Variants in CALR observed in about 807,000 individuals in gnomAD.
The protein encoded by CALR is calreticulin.
In CALR, 15 loss-of-function variants were observed where a neutral mutation model predicts 51.1. The ratio of observed to expected loss-of-function variants is 0.29; its 90% CI spans 0.20 to 0.45. CALR has a LOEUF of 0.45. Among genes scored for constraint, CALR ranks in the 20% least tolerant of loss-of-function variants. The probability of loss-of-function intolerance (pLI) is 1.00; values close to 1 mark genes in which losing one functional copy is unlikely to be tolerated. For missense variants in CALR, 477 were observed against 530.6 expected, an observed-to-expected ratio of 0.90 and a Z score of 0.99; for synonymous variants, 239 against 205.9, an observed-to-expected ratio of 1.16 and a Z score of -1.38.
At chr19:12,942,254 TCG>T (rs1971559202) in intron 7 of CALR, among the ~76,000 whole-genome samples, 10 of 150,990 alleles carry the variant, frequency 6.6e-5, no homozygotes, top group Admixed American at 6.6e-4. Context: ...TCCCAGCTAC[TCG>T]GGAGGCTGAG....
chr19:12,943,927 C>G lies in CALR; in HGVS notation c.*14C>G. On this transcript the variant is annotated 3_prime_UTR_variant, in exon 9 of 9. Coordinates refer to ENST00000316448, the MANE Select transcript of CALR (RefSeq NM_004343.4). ...GACGAGCTGTAGAGAGGCCTGCCTC[C>G]AGGGCTGGACTGAGGCCTGAGCGCT... 6.2e-7 allele frequency: 1 copy of G among 1,604,040 alleles called. No individual in the cohort carries two copies. The highest frequency in any genetic ancestry group is 1.3e-5 in the African/African-American group (1 of 74,862).
chr19:12,943,864 A>G lies in CALR; in HGVS notation c.1205A>G (p.Glu402Gly). The G allele has an allele frequency of 6.3e-7, 1 of 1,584,808 alleles. No individual in the cohort carries two copies. The highest frequency in any genetic ancestry group is 8.6e-7 in the Non-Finnish European group (1 of 1,165,702). The change falls in exon 9 of 9, where the codon GAG (glutamate) becomes GGG (glycine). Residue 402 changes from glutamate (E) to glycine (G), a missense_variant. Transcript: ENST00000316448. Reference sequence around the variant, plus strand: ...GATGAGGAGGATGAGGAGGACAAGGAGGAAGATGAGGAGGAAGATGTCCCC... The same window carrying G: ...GATGAGGAGGATGAGGAGGACAAGGGGGAAGATGAGGAGGAAGATGTCCCC... ...DEDEEDEEDK[E>G]EDEEEDVPGQ...
At chr19:12,939,822 C>G (rs1971521280) in intron 3 of CALR, among the ~76,000 whole-genome samples, 191 bp downstream of exon 3, 2 of 152,070 alleles carry the variant, frequency 1.3e-5, no homozygotes, top group South Asian at 4.1e-4. Flanking sequence ...TAGTTATTTC[C>G]CAATCTTACT....
At position 12,944,188 on chromosome 19, in the gene CALR, C is replaced by A; in HGVS notation, c.*275C>A. ...TCTTGATCAACATCTTTTCTTGCCT[C>A]TGTCCCCTTCTCTCATCTCTTAGCT... On this transcript the variant is annotated 3_prime_UTR_variant, in exon 9 of 9. Transcript: ENST00000316448. 1 of 547,704 alleles carries A rather than the reference C, an allele frequency of 1.8e-6. No homozygotes were observed. The highest frequency in any genetic ancestry group is 3.2e-6 in the Non-Finnish European group (1 of 312,098). 33.9% of individuals were successfully genotyped at this position (547,704 alleles called of 1,614,324 possible).
At chr19:12,943,258 G>A (rs1322001174) in intron 7 of CALR, 1 of 414,288 alleles carries the variant, frequency 2.4e-6, no homozygotes, top group Non-Finnish European at 4.6e-6. Flanking sequence ...CTGATTTTTT[G>A]TATTTTTAGT....
chr19:12,942,181 A>G (rs905421199), intron 7 of CALR, among the ~76,000 whole-genome samples: 2 of 151,868 alleles, frequency 1.3e-5, no homozygotes, highest in Non-Finnish European at 1.5e-5. Flanking sequence ...AACATGGTGA[A>G]TGAAACCCCA....
intron 7 of CALR, among the ~76,000 whole-genome samples, chr19:12,941,126 A>G (rs1343806382): frequency 6.6e-6 from 1 of 152,090 alleles, no homozygotes; most frequent in Admixed American, 6.6e-5. Flanking sequence ...TTTACCCCCA[A>G]AGACCTAGAA....
chr19:12,941,307 T>G (rs1971543300), intron 7 of CALR, among the ~76,000 whole-genome samples: 1 of 151,952 alleles, frequency 6.6e-6, no homozygotes, highest in Non-Finnish European at 1.5e-5. Context: ...AAAAATTTTT[T>G]TTTTTGAGAC....
At position 12,943,747 on chromosome 19, in the gene CALR, A is replaced by AT; in HGVS notation, c.1088_1089insT (p.Glu363AspfsTer6). 6.2e-7 allele frequency: 1 copy of AT among 1,612,824 alleles called. No individual in the cohort carries two copies. Among genetic ancestry groups the AT allele is most frequent in the East Asian group, 2.2e-5 (1 of 44,860 alleles). ...AAACAAATGAAGGACAAACAGGACG[A>AT]GGAGCAGAGGCTTAAGGAGGAGGAA... On this transcript the variant is annotated frameshift_variant, in exon 9 of 9. Coordinates refer to ENST00000316448, the MANE Select transcript of CALR (RefSeq NM_004343.4). LOFTEE classifies it high-confidence loss of function.
chr19:12,941,255 A>T (rs746068809), intron 7 of CALR, among the ~76,000 whole-genome samples: 3 of 152,084 alleles, frequency 2.0e-5, no homozygotes, highest in Non-Finnish European at 4.4e-5. Context: ...ACACAACTCA[A>T]CCTAGCTTGG....
At chr19:12,941,434 T>G (rs543771084) in intron 7 of CALR, among the ~76,000 whole-genome samples, 4 of 151,714 alleles carry the variant, frequency 2.6e-5, no homozygotes, top group South Asian at 2.1e-4. Flanking sequence ...TAGCTGGGAT[T>G]ACAGGCATGT....
At chr19:12,942,497 T>G (rs1162026839) in intron 7 of CALR, among the ~76,000 whole-genome samples, 1 of 151,146 alleles carries the variant, frequency 6.6e-6, no homozygotes, top group Non-Finnish European at 1.5e-5. Context: ...AAGAAACAGG[T>G]GCAGAGAACT....
Sources: allele counts gnomAD v4.1 joint callset (sites outside exome capture counted in the v4.1 genomes callset), GRCh38; gene constraint gnomAD v4.1.1; transcripts MANE v1.5; gene names NCBI Gene and HGNC (gene_info 2026-07-23, HGNC 2026-07-21).